The following GPHN variants were observed in gnomAD, a reference collection of about 807,000 sequenced individuals.
The protein encoded by GPHN is gephyrin.
Under a neutral mutation model 95.5 loss-of-function variants are expected in GPHN, and 17 were observed. The observed-to-expected ratio is 0.18, with a 90% CI of 0.12 to 0.27. The LOEUF (loss-of-function observed/expected upper bound fraction) is 0.27. Ranked by LOEUF, GPHN falls within the 10% of genes least tolerant of loss-of-function variation. The probability of loss-of-function intolerance (pLI) is 1.00; values close to 1 mark genes in which losing one functional copy is unlikely to be tolerated. For synonymous variants in GPHN, 320 were observed against 322.5 expected (o/e 0.99, Z 0.08); for missense variants, 660 against 978.1 (o/e 0.67, Z 4.34).
chr14:67,157,134 A>T (rs2081642690), intron 18 of GPHN, among the ~76,000 whole-genome samples: 1 of 103,220 alleles, frequency 9.7e-6, no homozygotes. Context: ...AAAAGATTTG[A>T]AAAAGTTACA....
At chr14:67,520,536 A>C in the GPHN span, among the ~76,000 whole-genome samples, 9 of 152,394 alleles carry the variant, frequency 5.9e-5, no homozygotes, top group African/African-American at 1.9e-4. Context: ...TCAGCATTGA[A>C]TAATATTCCA....
At chr14:66,677,683 A>G (rs762259903) in intron 1 of GPHN, among the ~76,000 whole-genome samples, 2 of 130,252 alleles carry the variant, frequency 1.5e-5, no homozygotes, top group Non-Finnish European at 3.0e-5. Flanking sequence ...TCTTGAGGCC[A>G]GTCTTGTGGC....
At chr14:67,364,398 G>A in the GPHN span, 1 of 179,676 alleles carries the variant, frequency 5.6e-6, no homozygotes, top group Non-Finnish European at 1.2e-5. Context: ...TTTCTGATTA[G>A]TTATAATAGT....
chr14:66,726,792 G>A (rs1395227710), intron 2 of GPHN, among the ~76,000 whole-genome samples: 1 of 152,114 alleles, frequency 6.6e-6, no homozygotes, highest in African/African-American at 2.4e-5. Context: ...GTGCTGCCAT[G>A]ATGCCACAGG....
At chr14:66,785,953 A>G (rs1419610035) in intron 3 of GPHN, among the ~76,000 whole-genome samples, 2 of 152,134 alleles carry the variant, frequency 1.3e-5, no homozygotes, top group Non-Finnish European at 2.9e-5. Flanking sequence ...AGAAGAGGAA[A>G]GTTCTCAAAT....
chr14:66,576,054 TA>T (rs1219878459), intron 1 of GPHN, among the ~76,000 whole-genome samples: 3 of 152,142 alleles, frequency 2.0e-5, no homozygotes, highest in Non-Finnish European at 4.4e-5. Flanking sequence ...TAGGCAGGCC[TA>T]GATGTTGGGT....
At chr14:67,315,872 C>T in the GPHN span, among the ~76,000 whole-genome samples, 1 of 152,224 alleles carries the variant, frequency 6.6e-6, no homozygotes, top group South Asian at 2.1e-4. Context: ...TTGCGGTGAG[C>T]CAAGATTGCG....
intron 1 of GPHN, among the ~76,000 whole-genome samples, chr14:66,628,504 A>G (rs8015684): frequency 0.33 from 49,757 of 151,990 alleles, 11,999 homozygotes; most frequent in African/African-American, 0.65. Context: ...AAGTGATATA[A>G]GGCACTTACC....
At chr14:67,290,020 C>T in the GPHN span, among the ~76,000 whole-genome samples, 10 of 152,114 alleles carry the variant, frequency 6.6e-5, no homozygotes, top group African/African-American at 9.7e-5. Context: ...GATCCACCCG[C>T]CTTGGTCTCC....
At chr14:66,655,443 A>G (rs950419473) in intron 1 of GPHN, among the ~76,000 whole-genome samples, 4 of 152,036 alleles carry the variant, frequency 2.6e-5, no homozygotes, top group African/African-American at 7.2e-5. Flanking sequence ...TGATTTTCAT[A>G]TATCAGTCTT....
rs781760211 is a variant in GPHN, at chr14:67,169,133, A to G, written c.2079+97A>G. 3 of 788,922 alleles carry G rather than the reference A, an allele frequency of 3.8e-6. No individual in the cohort carries two copies. In the South Asian group the frequency reaches 4.2e-5, roughly 11 times the overall value. The allele number at this position is 788,922 out of a possible 1,614,324, so 48.9% of individuals were successfully genotyped here. On this transcript the variant is annotated intron_variant, in intron 21 of 22. Transcript: ENST00000478722. ...CCAAAATAAACATCTAGAGTTTTCT[A>G]TTAGTTTTGATGGAAAATGTGATTA...
chr14:67,532,172 C>T, the GPHN span, among the ~76,000 whole-genome samples: 14 of 152,182 alleles, frequency 9.2e-5, no homozygotes, highest in African/African-American at 3.1e-4. Context: ...AGTGTCTGGG[C>T]TCTCAAAACT....
At chr14:67,346,177 C>T in the GPHN span, among the ~76,000 whole-genome samples, 2 of 152,146 alleles carry the variant, frequency 1.3e-5, no homozygotes, top group South Asian at 2.1e-4. Flanking sequence ...GCCCAGAGTA[C>T]GATGACACTC....
At chr14:66,738,565 C>T (rs1303373096) in intron 2 of GPHN, among the ~76,000 whole-genome samples, 1 of 151,986 alleles carries the variant, frequency 6.6e-6, no homozygotes, top group Non-Finnish European at 1.5e-5. Flanking sequence ...TAGATTGATG[C>T]AGACAGCTTA....
At chr14:67,275,786 C>T in the GPHN span, among the ~76,000 whole-genome samples, 1 of 152,166 alleles carries the variant, frequency 6.6e-6, no homozygotes, top group South Asian at 2.1e-4. Flanking sequence ...TTAATTATTG[C>T]CTCAATTTCA....
chr14:66,890,938 A>G (rs920749796), intron 5 of GPHN, among the ~76,000 whole-genome samples: 1 of 152,116 alleles, frequency 6.6e-6, no homozygotes, highest in Non-Finnish European at 1.5e-5. Flanking sequence ...CCTTAATGTG[A>G]AAAAGGCCTT....
At chr14:67,010,005 C>T (rs911061039) in intron 9 of GPHN, among the ~76,000 whole-genome samples, 3 of 151,770 alleles carry the variant, frequency 2.0e-5, no homozygotes, top group African/African-American at 4.8e-5. Context: ...GTGATTTGCC[C>T]GCCTCGGCCT....
At chr14:66,791,910 C>T (rs528017117) in intron 3 of GPHN, among the ~76,000 whole-genome samples, 60 of 152,272 alleles carry the variant, frequency 3.9e-4, no homozygotes, top group African/African-American at 1.3e-3. Flanking sequence ...CACAGTTCCA[C>T]GTGGCTGGGG....
the GPHN span, chr14:67,573,458 C>T: frequency 3.5e-5 from 36 of 1,022,022 alleles, no homozygotes; most frequent in South Asian, 2.7e-4. This position sits in a 1 kb window ranked among gnomAD's most constrained non-coding sequence, Gnocchi z 4.8. Context: ...TCAGATGGGA[C>T]GGAGGAGGGG....
Sources: gnomAD v4.1 joint callset for allele counts (sites outside exome capture counted in the v4.1 genomes callset) on GRCh38, gnomAD v4.1.1 for gene constraint, Gnocchi (gnomAD v3.1) non-coding constraint, MANE v1.5 for transcripts, NCBI Gene and HGNC (gene_info 2026-07-23, HGNC 2026-07-21) for gene names.